The following PDE7A variants were observed in gnomAD, a reference collection of about 807,000 sequenced individuals.
The protein encoded by PDE7A is high affinity 3',5'-cyclic-AMP phosphodiesterase 7A.
A neutral mutation model predicts 64.3 loss-of-function variants in PDE7A; 39 were observed. That is an observed-to-expected ratio of 0.61 (90% CI 0.47 to 0.79). The LOEUF is 0.79. PDE7A is among the 30% of genes least tolerant of loss of function. The pLI, the probability that PDE7A is intolerant of heterozygous loss-of-function variation, is 0.00. For synonymous variants in PDE7A, 203 were observed against 206.8 expected (o/e 0.98, Z 0.16); for missense variants, 470 against 582.8 (o/e 0.81, Z 1.99).
At chr8:65,795,518 C>T (rs979233782) in intron 1 of PDE7A, among the ~76,000 whole-genome samples, 1 of 152,092 alleles carries the variant, frequency 6.6e-6, no homozygotes, top group Non-Finnish European at 1.5e-5. Context: ...AAAATAATAA[C>T]TACCAGGGAA....
chr8:65,770,326 T>C (rs1252494482), intron 3 of PDE7A, among the ~76,000 whole-genome samples: 2 of 152,206 alleles, frequency 1.3e-5, no homozygotes, highest in Non-Finnish European at 2.9e-5. Context: ...TCCATGTGGC[T>C]GGGGAGGCCT....
At chr8:65,766,501 G>A (rs1585895086) in intron 3 of PDE7A, among the ~76,000 whole-genome samples, 1 of 152,200 alleles carries the variant, frequency 6.6e-6, no homozygotes, top group South Asian at 2.1e-4. Context: ...GTAAGGAGAC[G>A]CTGCCATAGT....
chr8:65,723,228 A>G (rs1392865375), intron 12 of PDE7A: 3 of 168,712 alleles, frequency 1.8e-5, no homozygotes, highest in Non-Finnish European at 3.8e-5. Context: ...TTGTTTACCT[A>G]TCCTTTTTTA....
chr8:65,769,675 G>C (rs1208127670), intron 3 of PDE7A, among the ~76,000 whole-genome samples: 1 of 152,008 alleles, frequency 6.6e-6, no homozygotes, highest in Admixed American at 6.6e-5. Flanking sequence ...GCAGGCAGAT[G>C]ACTTGAGGTC....
At chr8:65,830,235 CTTTCT>C (rs1810782476) in intron 1 of PDE7A, among the ~76,000 whole-genome samples, 1 of 139,416 alleles carries the variant, frequency 7.2e-6, no homozygotes, top group South Asian at 2.1e-4. Context: ...AAACCTTTTT[CTTTCT>C]TTTTTTTTTA....
chr8:65,791,044 C>T (rs1299211252), intron 1 of PDE7A, among the ~76,000 whole-genome samples: 1 of 152,224 alleles, frequency 6.6e-6, no homozygotes, highest in Admixed American at 6.5e-5. Context: ...ACCCTTCCCA[C>T]CTTCACATTT....
intron 6 of PDE7A, among the ~76,000 whole-genome samples, chr8:65,736,643 C>G (rs1034484927): frequency 6.6e-6 from 1 of 151,380 alleles, no homozygotes; most frequent in Non-Finnish European, 1.5e-5. Context: ...CCTAGCTACT[C>G]GGGAGGCTGA....
At chr8:65,798,570 T>C (rs1809917430) in intron 1 of PDE7A, among the ~76,000 whole-genome samples, 1 of 152,076 alleles carries the variant, frequency 6.6e-6, no homozygotes, top group African/African-American at 2.4e-5. Flanking sequence ...AAGCTAAAGA[T>C]TTAAACAGAC....
At chr8:65,728,358 T>C (rs150954764) in intron 7 of PDE7A, 7 of 152,376 alleles carry the variant, frequency 4.6e-5, no homozygotes, top group Non-Finnish European at 1.0e-4. Context: ...CTTTCTCTGC[T>C]AGAACGAATC....
intron 1 of PDE7A, among the ~76,000 whole-genome samples, chr8:65,829,377 AAAGT>A (rs202093621): frequency 0.015 from 2,228 of 152,250 alleles, 18 homozygotes; most frequent in Admixed American, 0.02. Flanking sequence ...ATGTTAATTA[AAAGT>A]AACTCAGATA....
intron 3 of PDE7A, among the ~76,000 whole-genome samples, chr8:65,766,779 G>A (rs1346255884): frequency 2.6e-5 from 4 of 152,140 alleles, no homozygotes; most frequent in Non-Finnish European, 4.4e-5. Flanking sequence ...ACAGGTTAAC[G>A]TTAGCTGAAT....
chr8:65,819,376 G>A (rs1009948637), intron 1 of PDE7A, among the ~76,000 whole-genome samples: 9 of 152,210 alleles, frequency 5.9e-5, no homozygotes, highest in Non-Finnish European at 8.8e-5. Context: ...CAGCCTGGGT[G>A]ACATAGCGAG....
chr8:65,818,876 A>G (rs1218771787), intron 1 of PDE7A, among the ~76,000 whole-genome samples: 3 of 152,022 alleles, frequency 2.0e-5, no homozygotes, highest in African/African-American at 7.2e-5. Flanking sequence ...CACCACTCCA[A>G]AGAACTAAGC....
chr8:65,724,868 C>G lies in PDE7A; in HGVS notation c.974G>C (p.Arg325Pro). The part of the protein sequence containing the change: ...GALILATDIS[R>P]QNEYLSLFRS... ...AAACAAAGACAGATACTCATTCTGG[C>G]GACTGATGTCTGTGGCTAGTATCAG... The change falls in exon 10 of 13, where the codon CGC (arginine) becomes CCC (proline). Residue 325 changes from arginine (R) to proline (P), a missense_variant. Coordinates refer to ENST00000401827, the MANE Select transcript of PDE7A (RefSeq NM_001242318.3). 6.2e-7 allele frequency: 1 copy of G among 1,610,434 alleles called. No individual in the cohort carries two copies. Among genetic ancestry groups the G allele is most frequent in the Non-Finnish European group, 8.5e-7 (1 of 1,177,266 alleles).
chr8:65,825,816 A>G (rs1260339011), intron 1 of PDE7A, among the ~76,000 whole-genome samples: 1 of 152,090 alleles, frequency 6.6e-6, no homozygotes, highest in Admixed American at 6.5e-5. Flanking sequence ...GGTAAACAGG[A>G]CTCCTGTTGG....
chr8:65,820,520 TATTA>T (rs141119406), intron 1 of PDE7A, among the ~76,000 whole-genome samples: 7,665 of 152,302 alleles, frequency 0.05, 522 homozygotes, highest in African/African-American at 0.16. Flanking sequence ...GTGGTTGAAC[TATTA>T]ATTATTCTTT....
intron 3 of PDE7A, chr8:65,765,476 G>A (rs1411050262): frequency 3.0e-5 from 3 of 100,526 alleles, no homozygotes; most frequent in Admixed American, 1.6e-4. Flanking sequence ...GCGACAGAGC[G>A]AGACTCCGTC....
chr8:65,746,896 C>T (rs145423827), intron 4 of PDE7A, among the ~76,000 whole-genome samples: 37 of 152,176 alleles, frequency 2.4e-4, no homozygotes, highest in Non-Finnish European at 4.3e-4. Context: ...AACTTAAAAA[C>T]TTATCTACAC....
chr8:65,839,183 A>G (rs1276191390), intron 1 of PDE7A, among the ~76,000 whole-genome samples: 1 of 152,070 alleles, frequency 6.6e-6, no homozygotes, highest in Non-Finnish European at 1.5e-5. Context: ...CATATTTTAA[A>G]GTACAAAAAC....
Sources: gnomAD v4.1 joint callset for allele counts (sites outside exome capture counted in the v4.1 genomes callset) on GRCh38, gnomAD v4.1.1 for gene constraint, MANE v1.5 for transcripts, NCBI Gene and HGNC (gene_info 2026-07-23, HGNC 2026-07-21) for gene names.